Variants in KCNK2 observed in about 807,000 individuals in gnomAD.
KCNK2 encodes the protein potassium channel subfamily K member 2.
Under a neutral mutation model 40.5 loss-of-function variants are expected in KCNK2, and 21 were observed. That is an observed-to-expected ratio of 0.52 (90% CI 0.37 to 0.75). KCNK2 has a LOEUF of 0.75. Among genes scored for constraint, KCNK2 ranks in the 30% least tolerant of loss-of-function variants. The probability of loss-of-function intolerance (pLI) is 0.00; values close to 1 mark genes in which losing one functional copy is unlikely to be tolerated. For synonymous variants in KCNK2, 191 were observed against 202.2 expected (o/e 0.94, Z 0.47); for missense variants, 399 against 531.6 (o/e 0.75, Z 2.45).
chr1:215,209,423 AT>A (rs1665495236), intron 6 of KCNK2, among the ~76,000 whole-genome samples: 2 of 47,708 alleles, frequency 4.2e-5, no homozygotes, highest in Non-Finnish European at 6.7e-5. Context: ...ATTATATATA[AT>A]ATATATAATA....
chr1:215,227,907 T>C (rs1666456934), intron 6 of KCNK2, among the ~76,000 whole-genome samples: 2 of 151,918 alleles, frequency 1.3e-5, no homozygotes, highest in Admixed American at 6.6e-5. Context: ...AGGGATTATA[T>C]TGAAGTTCAC....
intron 1 of KCNK2, among the ~76,000 whole-genome samples, chr1:215,011,111 A>G (rs1480740996): frequency 6.6e-6 from 1 of 151,856 alleles, no homozygotes; most frequent in Non-Finnish European, 1.5e-5. Flanking sequence ...TGTAACCACA[A>G]CCACAATCAA....
chr1:215,031,959 T>C (rs1657206446), intron 1 of KCNK2, among the ~76,000 whole-genome samples: 1 of 152,222 alleles, frequency 6.6e-6, no homozygotes, highest in African/African-American at 2.4e-5. Context: ...CTTATAATAA[T>C]ACAAAATAAT....
At chr1:215,091,377 GT>G (rs1659687782) in intron 2 of KCNK2, among the ~76,000 whole-genome samples, 1 of 152,146 alleles carries the variant, frequency 6.6e-6, no homozygotes, top group Non-Finnish European at 1.5e-5. Context: ...CCTCCACTTG[GT>G]GTCAGTTTTG....
chr1:215,081,861 G>A (rs1436671573), upstream of KCNK2: 2 of 152,264 alleles, frequency 1.3e-5, no homozygotes, highest in Non-Finnish European at 2.9e-5. Context: ...TCCCCTCCTT[G>A]GTGGGTTCCG....
At chr1:215,044,125 AAATT>A (rs1234887556) in intron 1 of KCNK2, among the ~76,000 whole-genome samples, 1 of 152,232 alleles carries the variant, frequency 6.6e-6, no homozygotes, top group African/African-American at 2.4e-5. Flanking sequence ...TAAGTACAAT[AAATT>A]AATGAATATG....
chr1:215,106,934 A>G (rs1250630152), intron 2 of KCNK2, among the ~76,000 whole-genome samples: 4 of 151,582 alleles, frequency 2.6e-5, no homozygotes, highest in Non-Finnish European at 4.4e-5. Flanking sequence ...ATTCTGTTCT[A>G]TTGGTCTATA....
intron 2 of KCNK2, among the ~76,000 whole-genome samples, chr1:215,090,205 C>T (rs548448496): frequency 6.6e-6 from 1 of 152,156 alleles, no homozygotes; most frequent in Non-Finnish European, 1.5e-5. Flanking sequence ...AGGCATTATT[C>T]TAACTATTTA....
At chr1:215,138,717 A>G (rs1374444779) in intron 3 of KCNK2, among the ~76,000 whole-genome samples, 1 of 152,206 alleles carries the variant, frequency 6.6e-6, no homozygotes, top group Non-Finnish European at 1.5e-5. Context: ...TGATAATAGA[A>G]AGGAGATTGT....
intron 1 of KCNK2, among the ~76,000 whole-genome samples, chr1:215,085,887 A>C (rs1454361756): frequency 2.6e-5 from 4 of 152,250 alleles, no homozygotes; most frequent in African/African-American, 7.2e-5. Context: ...TATTGTAATA[A>C]ATTTTAAAAT....
At chr1:215,114,994 G>GGT (rs59948899) in intron 2 of KCNK2, among the ~76,000 whole-genome samples, 5,830 of 147,280 alleles carry the variant, frequency 0.04, 357 homozygotes, top group African/African-American at 0.14. Flanking sequence ...TACTTTGTCA[G>GGT]GTGTGTGTGT....
chr1:215,140,824 T>A (rs1400378390), intron 3 of KCNK2, among the ~76,000 whole-genome samples: 1 of 152,114 alleles, frequency 6.6e-6, no homozygotes. Flanking sequence ...TATTTTTCTC[T>A]CTTCAATAAT....
At chr1:215,226,720 A>T (rs1666401111) in intron 6 of KCNK2, among the ~76,000 whole-genome samples, 1 of 152,182 alleles carries the variant, frequency 6.6e-6, no homozygotes, top group Admixed American at 6.5e-5. Flanking sequence ...AAGTGGTGAG[A>T]GAGGTGAAAA....
intron 1 of KCNK2, among the ~76,000 whole-genome samples, chr1:215,007,035 A>ATGTGTGTGTG (rs1184078114): frequency 7.1e-5 from 4 of 56,644 alleles, no homozygotes; most frequent in African/African-American, 2.5e-4. Context: ...ATATATATAT[A>ATGTGTGTGTG]TATGTGTGTG....
chr1:215,111,947 T>C (rs1660702246), intron 2 of KCNK2, among the ~76,000 whole-genome samples: 1 of 150,942 alleles, frequency 6.6e-6, no homozygotes, highest in African/African-American at 2.5e-5. Context: ...CAAATCTTTT[T>C]TATAGTTGTG....
At chr1:215,193,746 A>G (rs948171735) in intron 5 of KCNK2, among the ~76,000 whole-genome samples, 5 of 152,152 alleles carry the variant, frequency 3.3e-5, no homozygotes, top group African/African-American at 1.2e-4. Flanking sequence ...ACTTTTACCT[A>G]TTCTCCATGG....
chr1:215,156,601 A>G (rs1175772356), intron 3 of KCNK2, among the ~76,000 whole-genome samples: 1 of 152,178 alleles, frequency 6.6e-6, no homozygotes, highest in African/African-American at 2.4e-5. Context: ...CCATTCTCAT[A>G]TGGCTATAAT....
At chr1:215,167,026 T>A (rs1469237979) in intron 3 of KCNK2, among the ~76,000 whole-genome samples, 5 of 152,046 alleles carry the variant, frequency 3.3e-5, no homozygotes, top group Non-Finnish European at 7.4e-5. Flanking sequence ...CCTCAGTAGA[T>A]GAGTTGACTA....
chr1:215,015,875 A>T (rs568506023), intron 1 of KCNK2, among the ~76,000 whole-genome samples: 2 of 152,280 alleles, frequency 1.3e-5, no homozygotes, highest in Admixed American at 1.3e-4. Context: ...TACCAATACC[A>T]GGGCAGAGAT....
Sources: allele counts gnomAD v4.1 joint callset (sites outside exome capture counted in the v4.1 genomes callset), GRCh38; gene constraint gnomAD v4.1.1; transcripts MANE v1.5; gene names NCBI Gene and HGNC (gene_info 2026-07-23, HGNC 2026-07-21).